The following ACLY variants were observed in gnomAD, a reference collection of about 807,000 sequenced individuals.
ACLY encodes the protein ATP-citrate synthase.
In ACLY, 41 loss-of-function variants were observed where a neutral mutation model predicts 133.0. The ratio of observed to expected loss-of-function variants is 0.31; its 90% CI spans 0.24 to 0.40. The LOEUF is 0.40. Ranked by LOEUF, ACLY falls within the 10% of genes least tolerant of loss-of-function variation. The pLI, the probability that ACLY is intolerant of heterozygous loss-of-function variation, is 1.00. For missense variants in ACLY, 1,046 were observed against 1,453.8 expected (o/e 0.72, Z 4.56); for synonymous variants, 495 against 549.3 (o/e 0.90, Z 1.38).
intron 21 of ACLY, among the ~76,000 whole-genome samples, chr17:41,878,540 T>C (rs1168720299): frequency 6.6e-6 from 1 of 152,146 alleles, no homozygotes; most frequent in Non-Finnish European, 1.5e-5. Context: ...CTCTCATCTA[T>C]GGCTGCCACC....
Position 41,909,789 on chromosome 17 carries a change from G to A in ACLY, c.346-89C>T, listed in dbSNP as rs1302183875. On this transcript the variant is annotated intron_variant, in intron 4 of 28. Coordinates refer to ENST00000352035, the MANE Select transcript of ACLY (RefSeq NM_001096.3). ...TGAACTGGGGAAGATGGTCTACCAT[G>A]TACTGGGAGAGGAAACCAATCCCCA... 4 of 1,203,608 alleles carry A rather than the reference G, an allele frequency of 3.3e-6. No individual in the cohort carries two copies. The African/African-American group carries it at 4.6e-5, about 14-fold the overall frequency. The allele number at this position is 1,203,608 out of a possible 1,614,324, so 74.6% of individuals were successfully genotyped here.
intron 1 of ACLY, among the ~76,000 whole-genome samples, chr17:41,927,589 G>A (rs1358631745): frequency 6.6e-6 from 1 of 152,210 alleles, no homozygotes; most frequent in African/African-American, 2.4e-5. Context: ...ACTTTGGGAG[G>A]CTAAGGTGGG....
intron 14 of ACLY, 138 bp downstream of exon 14, chr17:41,896,482 G>T: frequency 1.4e-6 from 1 of 739,786 alleles, no homozygotes; most frequent in Non-Finnish European, 2.2e-6. Context: ...TTGGGGTCAG[G>T]CCACATCAAG....
At chr17:41,880,053 T>G (rs559490357) in intron 20 of ACLY, among the ~76,000 whole-genome samples, 2 of 152,214 alleles carry the variant, frequency 1.3e-5, no homozygotes, top group Admixed American at 6.5e-5. Flanking sequence ...AATCAAGCGA[T>G]GGAGGAAATT....
intron 22 of ACLY, among the ~76,000 whole-genome samples, chr17:41,877,460 T>C (rs1182886554): frequency 6.6e-6 from 1 of 151,126 alleles, no homozygotes; most frequent in African/African-American, 2.4e-5. Context: ...TTTTTTTTTT[T>C]TTAAATTACA....
intron 22 of ACLY, among the ~76,000 whole-genome samples, chr17:41,874,922 CA>C (rs76281431): frequency 0.14 from 17,902 of 127,984 alleles, 1,153 homozygotes; most frequent in East Asian, 0.18. Context: ...TGTGTTATAG[CA>C]AAAAAAAAAA....
At chr17:41,917,177 T>C (rs1452965732) in intron 1 of ACLY, among the ~76,000 whole-genome samples, 1 of 144,722 alleles carries the variant, frequency 6.9e-6, no homozygotes, top group East Asian at 2.0e-4. Flanking sequence ...TCTAGTGGAA[T>C]CAGCAAATAC....
Position 41,886,189 on chromosome 17 carries a change from G to A in ACLY, c.1995C>T (p.Gly665=). Residue 665 remains glycine (G), a synonymous_variant, in exon 18 of 29, where the codon GGC becomes GGT. Coordinates refer to ENST00000352035, the MANE Select transcript of ACLY (RefSeq NM_001096.3). ...TGATATTGTTGAGCTCGTTGGACAT[G>A]CCTCCGGAACGTGAGACATAGGCCA... The part of the protein sequence containing the change: ...GSVAYVSRSG[G]MSNELNNIIS... 6.2e-7 allele frequency: 1 copy of A among 1,614,200 alleles called. No individual in the cohort carries two copies. Among genetic ancestry groups the A allele is most frequent in the South Asian group, 1.1e-5 (1 of 91,084 alleles).
chr17:41,889,698 A>AT lies in ACLY; in HGVS notation c.1771-1996dup, dbSNP rs551826867. ...ACAAAATAATCAATATCCTAATTTT[A>AT]TTTTTTTTGAGATGGAGTCTCTCGT... is the stretch of plus-strand genomic sequence containing the variant. On this transcript the variant is annotated intron_variant, in intron 16 of 28. Transcript: ENST00000352035. Among the ~76,000 whole-genome samples the AT allele has an allele frequency of 1.4e-4, 21 of 151,330 alleles. No homozygotes were observed. The East Asian group carries it at 3.9e-3, about 28-fold the overall frequency.
At chr17:41,876,692 G>A (rs1023021593) in intron 22 of ACLY, among the ~76,000 whole-genome samples, 7 of 152,178 alleles carry the variant, frequency 4.6e-5, no homozygotes, top group Admixed American at 2.0e-4. Context: ...GGTGTGCTTT[G>A]TTAAACAGAT....
intron 1 of ACLY, 142 bp downstream of exon 1, chr17:41,918,738 A>C: frequency 9.4e-7 from 1 of 1,067,526 alleles, no homozygotes. Flanking sequence ...GCTAACCTAA[A>C]GCTAAGACCC....
At chr17:41,898,586 A>G in intron 12 of ACLY, 45 bp downstream of exon 12, 1 of 1,600,902 alleles carries the variant, frequency 6.2e-7, no homozygotes, top group Non-Finnish European at 8.5e-7. Flanking sequence ...AGTGGAAAAG[A>G]TGAGATGGTT....
chr17:41,867,869 G>A lies in ACLY; in HGVS notation c.3247C>T (p.Leu1083=), dbSNP rs781945915. The A allele has an allele frequency of 8.7e-6, 14 of 1,611,060 alleles. No homozygotes were observed. The highest frequency in any genetic ancestry group is 1.0e-5 in the Non-Finnish European group (12 of 1,178,602). ...ATATCATCCCACGGATGACGATACA[G>A]CCCCTGCTTCAGCCTCTTCTGATCA... ...YLDQKRLKQG[L]YRHPWDDISY... Residue 1083 remains leucine (L), a synonymous_variant, in exon 29 of 29, where the codon CTG becomes TTG. Coordinates refer to ENST00000352035, the MANE Select transcript of ACLY (RefSeq NM_001096.3).
intron 1 of ACLY, among the ~76,000 whole-genome samples, chr17:41,930,066 G>A (rs2050299016): frequency 6.6e-6 from 1 of 152,228 alleles, no homozygotes; most frequent in African/African-American, 2.4e-5. Flanking sequence ...AAGGACGTCA[G>A]AATATGCCTT....
At chr17:41,926,285 G>A (rs2050242883) in intron 1 of ACLY, among the ~76,000 whole-genome samples, 1 of 152,200 alleles carries the variant, frequency 6.6e-6, no homozygotes, top group South Asian at 2.1e-4. Flanking sequence ...TCGAACCCAA[G>A]GAATAGGCCC....
At chr17:41,896,988 C>G (rs551164588) in intron 13 of ACLY, among the ~76,000 whole-genome samples, 2 of 152,378 alleles carry the variant, frequency 1.3e-5, no homozygotes, top group East Asian at 1.9e-4. Flanking sequence ...CTAGCTGGCG[C>G]AGTCCCACCC....
chr17:41,904,857 C>T (rs1377292850), intron 9 of ACLY, 67 bp from the exon 10 acceptor site: 1 of 1,479,116 alleles, frequency 6.8e-7, no homozygotes, highest in Non-Finnish European at 9.4e-7. Context: ...TCCCAGCAAT[C>T]CAACTGAGGA....
chr17:41,910,201 C>G, intron 4 of ACLY, 21 bp downstream of exon 4: 1 of 1,611,466 alleles, frequency 6.2e-7, no homozygotes. Flanking sequence ...AAGACCCAGC[C>G]TGGAGCCGCC....
chr17:41,901,617 A>G, intron 11 of ACLY, 79 bp downstream of exon 11: 1 of 1,226,882 alleles, frequency 8.2e-7, no homozygotes, highest in Non-Finnish European at 1.2e-6. Flanking sequence ...CCTAAGACTG[A>G]TGCTCAGGAA....
Sources: gnomAD v4.1 joint callset for allele counts (sites outside exome capture counted in the v4.1 genomes callset) on GRCh38, gnomAD v4.1.1 for gene constraint, MANE v1.5 for transcripts, NCBI Gene and HGNC (gene_info 2026-07-23, HGNC 2026-07-21) for gene names.